The following CDH1 variants were observed in gnomAD, a reference collection of about 807,000 sequenced individuals.
CDH1 encodes cadherin-1.
In CDH1, 35 loss-of-function variants were observed where a neutral mutation model predicts 84.5. The ratio of observed to expected loss-of-function variants is 0.41; its 90% CI spans 0.32 to 0.55. The LOEUF is 0.55. Ranked by LOEUF, CDH1 falls within the 20% of genes least tolerant of loss-of-function variation. CDH1 has a pLI of 0.19. For missense variants in CDH1, 994 were observed against 1,126.6 expected (o/e 0.88, Z 1.68); for synonymous variants, 417 against 439.0 (o/e 0.95, Z 0.63).
intron 2 of CDH1, among the ~76,000 whole-genome samples, chr16:68,759,791 G>A (rs200791724): frequency 1.7e-4 from 26 of 152,274 alleles, no homozygotes; most frequent in Admixed American, 2.6e-4. Flanking sequence ...ACCACGCCGG[G>A]CCTGACAATT....
intron 2 of CDH1, among the ~76,000 whole-genome samples, chr16:68,759,234 A>G (rs1963095699): frequency 6.6e-6 from 1 of 152,026 alleles, no homozygotes; most frequent in African/African-American, 2.4e-5. Context: ...ACAGTGGCTC[A>G]TGCCTGTTAT....
chr16:68,751,403 T>C (rs1332493877), intron 2 of CDH1, among the ~76,000 whole-genome samples: 1 of 152,214 alleles, frequency 6.6e-6, no homozygotes, highest in Non-Finnish European at 1.5e-5. Flanking sequence ...TCCCATAATA[T>C]CTGCACAGCT....
intron 8 of CDH1, among the ~76,000 whole-genome samples, chr16:68,812,564 A>G (rs1597895141): frequency 6.6e-6 from 1 of 152,222 alleles, no homozygotes; most frequent in East Asian, 1.9e-4. Context: ...TATTGAACAA[A>G]TATTTTCTAA....
At chr16:68,815,067 A>G (rs1259084215) in intron 9 of CDH1, among the ~76,000 whole-genome samples, 1 of 152,112 alleles carries the variant, frequency 6.6e-6, no homozygotes, top group African/African-American at 2.4e-5. Context: ...CTCTACTAAA[A>G]ATACAAAAAA....
At chr16:68,816,165 C>G (rs1225308046) in intron 10 of CDH1, among the ~76,000 whole-genome samples, 1 of 152,122 alleles carries the variant, frequency 6.6e-6, no homozygotes, top group Non-Finnish European at 1.5e-5. Flanking sequence ...TTACAGGTGC[C>G]TGCCACCACG....
At chr16:68,793,146 G>A (rs1027005045) in intron 2 of CDH1, among the ~76,000 whole-genome samples, 2 of 152,188 alleles carry the variant, frequency 1.3e-5, no homozygotes, top group Non-Finnish European at 2.9e-5. Flanking sequence ...TGTGCAACGT[G>A]ATACTCCAAC....
intron 2 of CDH1, among the ~76,000 whole-genome samples, chr16:68,742,038 C>T (rs1962579436): frequency 6.6e-6 from 1 of 152,122 alleles, no homozygotes; most frequent in Admixed American, 6.5e-5. Context: ...CTGAGAAACC[C>T]AGGCTATTAG....
chr16:68,833,229 C>A (rs369336391), intron 15 of CDH1, 61 bp from the exon 16 acceptor site: 1 of 1,440,762 alleles, frequency 6.9e-7, no homozygotes, highest in Non-Finnish European at 9.8e-7. Flanking sequence ...AGACTTCTTG[C>A]CCCAGATGAC....
intron 2 of CDH1, among the ~76,000 whole-genome samples, chr16:68,776,193 A>G (rs907962298): frequency 6.6e-6 from 1 of 152,140 alleles, no homozygotes; most frequent in Non-Finnish European, 1.5e-5. Flanking sequence ...TACCATCTTG[A>G]CCAGGCTGGT....
intron 2 of CDH1, among the ~76,000 whole-genome samples, chr16:68,752,944 T>C (rs1358103491): frequency 1.3e-5 from 2 of 152,184 alleles, no homozygotes; most frequent in Non-Finnish European, 2.9e-5. Context: ...TATCTCAGCA[T>C]CCTTCAGACC....
intron 2 of CDH1, among the ~76,000 whole-genome samples, chr16:68,772,861 A>G (rs1039365714): frequency 6.6e-6 from 1 of 152,070 alleles, no homozygotes; most frequent in African/African-American, 2.4e-5. Context: ...TGGGAGGTCA[A>G]TGCTGCAGTG....
chr16:68,761,778 C>T lies in CDH1; in HGVS notation c.163+23367C>T, dbSNP rs1274258493. On this transcript the variant is annotated intron_variant, in intron 2 of 15. Coordinates refer to ENST00000261769, the MANE Select transcript of CDH1 (RefSeq NM_004360.5). ...AGGGTGTTCTAGACGGAGGGGAGGGCGTTCTAGATGGAGGGAACAGCAAAG... is the reference window on the plus strand; with the variant it reads ...AGGGTGTTCTAGACGGAGGGGAGGGTGTTCTAGATGGAGGGAACAGCAAAG... Among the ~76,000 whole-genome samples the T allele has an allele frequency of 4.6e-5, 7 of 152,054 alleles. 1 individual carries two copies. The highest frequency in any genetic ancestry group is 2.6e-4 in the Admixed American group (4 of 15,262).
chr16:68,804,919 C>T (rs1220525876), intron 3 of CDH1, among the ~76,000 whole-genome samples: 1 of 145,898 alleles, frequency 6.9e-6, no homozygotes, highest in Non-Finnish European at 1.5e-5. Context: ...CAGCCTTGAC[C>T]TCCCAGGCTC....
chr16:68,746,669 T>G (rs1240195294), intron 2 of CDH1, among the ~76,000 whole-genome samples: 2 of 151,738 alleles, frequency 1.3e-5, no homozygotes, highest in African/African-American at 4.8e-5. Flanking sequence ...GATGGGAGGC[T>G]GGGTGCAGTG....
At chr16:68,764,126 T>G (rs988061171) in intron 2 of CDH1, among the ~76,000 whole-genome samples, 1 of 152,176 alleles carries the variant, frequency 6.6e-6, no homozygotes, top group Non-Finnish European at 1.5e-5. Flanking sequence ...TTGGGTTTGG[T>G]GGGGGATGGG....
At chr16:68,829,615 T>C in intron 14 of CDH1, 39 bp from the exon 15 acceptor site, 1 of 1,608,264 alleles carries the variant, frequency 6.2e-7, no homozygotes, top group Non-Finnish European at 8.5e-7. Context: ...ACTATTTCTT[T>C]CCTACTCTTC....
intron 2 of CDH1, among the ~76,000 whole-genome samples, chr16:68,773,959 T>C (rs977592139): frequency 6.6e-6 from 1 of 152,220 alleles, no homozygotes; most frequent in African/African-American, 2.4e-5. Context: ...TTCTGTCACC[T>C]AGGCTAGAGT....
intron 2 of CDH1, among the ~76,000 whole-genome samples, chr16:68,756,579 G>T (rs933517751): frequency 6.6e-6 from 1 of 152,178 alleles, no homozygotes; most frequent in Non-Finnish European, 1.5e-5. Context: ...AATAACAGCT[G>T]CTTGGTGACG....
chr16:68,792,812 A>G (rs980319351), intron 2 of CDH1, among the ~76,000 whole-genome samples: 1 of 152,104 alleles, frequency 6.6e-6, no homozygotes, highest in African/African-American at 2.4e-5. Context: ...TTAATCTTCA[A>G]TGTCACTGTT....
Sources: allele counts gnomAD v4.1 joint callset (sites outside exome capture counted in the v4.1 genomes callset), GRCh38; gene constraint gnomAD v4.1.1; transcripts MANE v1.5; gene names NCBI Gene and HGNC (gene_info 2026-07-23, HGNC 2026-07-21).